Variants in CMTM8 observed in about 807,000 individuals in gnomAD.
The protein encoded by CMTM8 is CKLF like MARVEL transmembrane domain containing 8.
In CMTM8, 12 loss-of-function variants were observed where a neutral mutation model predicts 18.6. The ratio of observed to expected loss-of-function variants is 0.65; its 90% CI spans 0.41 to 1.05. The LOEUF is 1.05. Ranked by LOEUF, CMTM8 falls within the 50% of genes least tolerant of loss-of-function variation. CMTM8 has a pLI of 0.00. For missense variants in CMTM8, 217 were observed against 227.2 expected (o/e 0.95, Z 0.29); for synonymous variants, 87 against 90.6 (o/e 0.96, Z 0.23).
chr3:32,245,883 T>C (rs1702008848), intron 1 of CMTM8, among the ~76,000 whole-genome samples: 1 of 152,182 alleles, frequency 6.6e-6, no homozygotes, highest in Non-Finnish European at 1.5e-5. Flanking sequence ...CACTGCAACC[T>C]TAGCTCACTG....
At chr3:32,278,357 T>C (rs1480076739) in intron 1 of CMTM8, among the ~76,000 whole-genome samples, 2 of 152,190 alleles carry the variant, frequency 1.3e-5, no homozygotes, top group Non-Finnish European at 2.9e-5. Flanking sequence ...GGACAAACTA[T>C]ATTCTGTGCT....
chr3:32,340,757 T>C (rs1199090527), intron 1 of CMTM8, among the ~76,000 whole-genome samples: 1 of 152,268 alleles, frequency 6.6e-6, no homozygotes, highest in Non-Finnish European at 1.5e-5. Context: ...GTGAGCCGCA[T>C]GTGGCCCTGG....
intron 1 of CMTM8, among the ~76,000 whole-genome samples, chr3:32,336,254 A>G (rs1696383825): frequency 6.6e-6 from 1 of 152,206 alleles, no homozygotes; most frequent in South Asian, 2.1e-4. Context: ...GTAGAAGGAC[A>G]GAGGTGGAGC....
At chr3:32,276,841 C>T (rs993852833) in intron 1 of CMTM8, among the ~76,000 whole-genome samples, 1 of 152,130 alleles carries the variant, frequency 6.6e-6, no homozygotes. Context: ...GCCTTTTTCA[C>T]CTGCTGTTTT....
Position 32,370,027 on chromosome 3 carries a change from G to A in CMTM8, c.*60G>A. Reference sequence around the variant, plus strand: ...GAAGACTCTCACTGTAAAAACAGCTGTAGGTATAATGTATATTCCCAGAGA... The same window carrying A: ...GAAGACTCTCACTGTAAAAACAGCTATAGGTATAATGTATATTCCCAGAGA... On this transcript the variant is annotated 3_prime_UTR_variant, in exon 4 of 4. Coordinates refer to ENST00000307526, the MANE Select transcript of CMTM8 (RefSeq NM_178868.5). 5 of 942,434 alleles carry A rather than the reference G, an allele frequency of 5.3e-6. No individual in the cohort carries two copies. The highest frequency in any genetic ancestry group is 8.2e-6 in the Non-Finnish European group (5 of 606,314). 58.4% of individuals were successfully genotyped at this position (942,434 alleles called of 1,614,324 possible).
intron 1 of CMTM8, among the ~76,000 whole-genome samples, chr3:32,258,198 T>G (rs1200472249): frequency 3.3e-5 from 5 of 152,190 alleles, no homozygotes; most frequent in Non-Finnish European, 5.9e-5. Context: ...GCTCCAGAGC[T>G]GCAGACAAGA....
intron 1 of CMTM8, among the ~76,000 whole-genome samples, chr3:32,287,141 A>C (rs1181676837): frequency 6.6e-6 from 1 of 152,226 alleles, no homozygotes; most frequent in Non-Finnish European, 1.5e-5. Context: ...TCCATTACAA[A>C]GTTGCTTTGA....
rs944461854 is a variant in CMTM8 at position 32,238,841 on chromosome 3, C to A, written c.-132C>A. On this transcript the variant is annotated 5_prime_UTR_variant, in exon 1 of 4. Transcript: ENST00000307526. Reference sequence around the variant, plus strand: ...CTGGACAGCCCCCGGCGGGCGCCCCCCTCGCACCTCCTGCCCCGCGCGGGC... The same window carrying A: ...CTGGACAGCCCCCGGCGGGCGCCCCACTCGCACCTCCTGCCCCGCGCGGGC... 1.1e-4 allele frequency: 82 copies of A among 723,216 alleles called. No individual in the cohort carries two copies. Among genetic ancestry groups the A allele is most frequent in the Non-Finnish European group, 1.3e-4 (69 of 525,880 alleles). 44.8% of individuals were successfully genotyped at this position (723,216 alleles called of 1,614,324 possible).
At chr3:32,322,175 G>A (rs1696070482) in intron 1 of CMTM8, among the ~76,000 whole-genome samples, 1 of 152,224 alleles carries the variant, frequency 6.6e-6, no homozygotes, top group African/African-American at 2.4e-5. Context: ...TCCCAGAGCT[G>A]TATGCCTAGG....
At position 32,257,732 on chromosome 3, in the gene CMTM8, C is replaced by T. The variant is rs1702192530; in HGVS notation, c.147+18613C>T. On this transcript the variant is annotated intron_variant, in intron 1 of 3. Transcript: ENST00000307526. The stretch of plus-strand genomic sequence containing the variant: ...CCACTTCTGCTTGTTGAATCTGTTG[C>T]TTCTCCTGTGCTGTTTTCTTCAGTC... Among the ~76,000 whole-genome samples, 3 of 151,984 alleles carry T rather than the reference C, an allele frequency of 2.0e-5. No homozygotes were observed. The South Asian group carries it at 6.3e-4, about 32-fold the overall frequency.
At chr3:32,294,306 T>C (rs1248449640) in intron 1 of CMTM8, among the ~76,000 whole-genome samples, 1 of 152,026 alleles carries the variant, frequency 6.6e-6, no homozygotes, top group Non-Finnish European at 1.5e-5. Flanking sequence ...CTGTCAGGAA[T>C]GCTCTTCCAT....
At chr3:32,264,109 G>C (rs937143828) in intron 1 of CMTM8, among the ~76,000 whole-genome samples, 1 of 152,136 alleles carries the variant, frequency 6.6e-6, no homozygotes, top group African/African-American at 2.4e-5. Flanking sequence ...ACTCCACAAA[G>C]ATACTCCTTG....
intron 2 of CMTM8, among the ~76,000 whole-genome samples, chr3:32,366,404 TG>T (rs756101146): frequency 1.1e-4 from 16 of 152,194 alleles, no homozygotes; most frequent in Non-Finnish European, 1.6e-4. Flanking sequence ...CTCGTCCACA[TG>T]GGCTCGTGCA....
intron 1 of CMTM8, among the ~76,000 whole-genome samples, chr3:32,258,615 G>T (rs959558734): frequency 5.9e-5 from 9 of 152,022 alleles, no homozygotes; most frequent in African/African-American, 2.2e-4. Context: ...GCTCAAGTGA[G>T]CCTCTCACTT....
chr3:32,306,525 TC>T (rs1246129882), intron 1 of CMTM8, among the ~76,000 whole-genome samples: 1 of 152,210 alleles, frequency 6.6e-6, no homozygotes, highest in Non-Finnish European at 1.5e-5. Context: ...TATTCACTCT[TC>T]CAGTGATGGA....
At chr3:32,335,711 A>G (rs1696373026) in intron 1 of CMTM8, among the ~76,000 whole-genome samples, 1 of 152,086 alleles carries the variant, frequency 6.6e-6, no homozygotes, top group South Asian at 2.1e-4. Context: ...GGCCCTCCCA[A>G]ATTTTCTTCT....
chr3:32,266,543 C>T (rs536166576), intron 1 of CMTM8, among the ~76,000 whole-genome samples: 126 of 152,286 alleles, frequency 8.3e-4, no homozygotes, highest in Admixed American at 1.3e-3. Context: ...AAAACTGGCA[C>T]GAGACAGGGA....
rs1696838476 is a variant in CMTM8 at position 32,357,442 on chromosome 3, G to A, written c.217G>A (p.Val73Ile). The change falls in exon 2 of 4, where the codon GTC becomes ATC. Residue 73 changes from valine to isoleucine, a missense_variant. Val to Ile is a conservative substitution (Grantham distance 29). Transcript: ENST00000307526. The part of the protein sequence containing the change: ...EYFRVPAFGW[V>I]MFVAVFYWVL... Reference sequence around the variant, plus strand: ...CTTCCGGGTCCCCGCATTTGGCTGGGTCATGTTTGTAGCTGTATTTTACTG... The same window carrying A: ...CTTCCGGGTCCCCGCATTTGGCTGGATCATGTTTGTAGCTGTATTTTACTG... 1.2e-6 allele frequency: 2 copies of A among 1,613,942 alleles called. No homozygotes were observed. The highest frequency in any genetic ancestry group is 2.7e-5 in the African/African-American group (2 of 74,860).
At chr3:32,271,432 C>G (rs968683136) in intron 1 of CMTM8, among the ~76,000 whole-genome samples, 1 of 152,182 alleles carries the variant, frequency 6.6e-6, no homozygotes, top group Admixed American at 6.5e-5. Context: ...GTTCTGTATT[C>G]TATAAAGTTC....
Sources: gnomAD v4.1 joint callset for allele counts (sites outside exome capture counted in the v4.1 genomes callset) on GRCh38, gnomAD v4.1.1 for gene constraint, MANE v1.5 for transcripts, NCBI Gene and HGNC (gene_info 2026-07-23, HGNC 2026-07-21) for gene names.